Variants in PTPRT observed in about 807,000 individuals in gnomAD.
PTPRT encodes protein tyrosine phosphatase receptor type T.
PTPRT carries 56 observed loss-of-function variants against 176.8 expected under a neutral mutation model. The observed-to-expected ratio is 0.32, with a 90% CI of 0.26 to 0.40. The LOEUF (loss-of-function observed/expected upper bound fraction) is 0.40, where lower values mean the gene tolerates loss of function less well. PTPRT is among the 10% of genes least tolerant of loss of function. The pLI is 1.00. For synonymous variants in PTPRT, 783 were observed against 739.0 expected (o/e 1.06, Z -0.96); for missense variants, 1,540 against 1,908.2 (o/e 0.81, Z 3.60).
chr20:43,051,222 A>G (rs1987028974), intron 1 of PTPRT, among the ~76,000 whole-genome samples: 1 of 152,226 alleles, frequency 6.6e-6, no homozygotes, highest in Non-Finnish European at 1.5e-5. Context: ...ATATGTGCCA[A>G]TAATATTGCC....
chr20:42,434,504 G>A (rs2059243832), intron 9 of PTPRT, among the ~76,000 whole-genome samples: 1 of 151,994 alleles, frequency 6.6e-6, no homozygotes, highest in Admixed American at 6.6e-5. Flanking sequence ...TAGTCTATTA[G>A]AGATTATTAT....
the PTPRT span, among the ~76,000 whole-genome samples, chr20:42,035,090 T>C: frequency 6.6e-6 from 1 of 152,060 alleles, no homozygotes; most frequent in African/African-American, 2.4e-5. Flanking sequence ...TTCAAAAACA[T>C]CTCTCAGGAA....
chr20:42,989,987 C>T (rs1983803115), intron 1 of PTPRT, among the ~76,000 whole-genome samples: 1 of 152,194 alleles, frequency 6.6e-6, no homozygotes, highest in African/African-American at 2.4e-5. Context: ...GAGTAGGATG[C>T]ACATAGGTGC....
At chr20:42,299,130 T>C (rs1160491041) in intron 12 of PTPRT, among the ~76,000 whole-genome samples, 3 of 151,996 alleles carry the variant, frequency 2.0e-5, no homozygotes, top group Non-Finnish European at 2.9e-5. Flanking sequence ...CAACAGGGGA[T>C]GGTAGAGGTG....
intron 1 of PTPRT, among the ~76,000 whole-genome samples, chr20:42,970,586 G>A (rs138669531): frequency 3.7e-4 from 56 of 152,196 alleles, no homozygotes; most frequent in African/African-American, 1.2e-3. Flanking sequence ...CTCACCAGTC[G>A]TCATGAGGAT....
At chr20:42,959,534 T>C (rs577368098) in intron 1 of PTPRT, among the ~76,000 whole-genome samples, 1 of 152,198 alleles carries the variant, frequency 6.6e-6, no homozygotes, top group South Asian at 2.1e-4. Context: ...ATTTTATAGA[T>C]GAGAAAACAG....
At chr20:42,919,692 A>C (rs890866177) in intron 1 of PTPRT, among the ~76,000 whole-genome samples, 12 of 152,254 alleles carry the variant, frequency 7.9e-5, no homozygotes, top group Non-Finnish European at 1.5e-4. Context: ...ACAGAGACTT[A>C]ATACAGAAGC....
chr20:42,462,376 G>T (rs1437455893), intron 8 of PTPRT, among the ~76,000 whole-genome samples: 1 of 152,164 alleles, frequency 6.6e-6, no homozygotes, highest in Non-Finnish European at 1.5e-5. Context: ...GTGTGCAGCA[G>T]CTACGGAAGG....
chr20:42,341,845 C>T (rs143753659), intron 11 of PTPRT, among the ~76,000 whole-genome samples: 20 of 152,282 alleles, frequency 1.3e-4, no homozygotes, highest in Middle Eastern at 6.8e-3. Flanking sequence ...AACACTCTTT[C>T]GATCTTCATG....
At chr20:42,102,971 C>T (rs958842434) in intron 25 of PTPRT, among the ~76,000 whole-genome samples, 1 of 152,226 alleles carries the variant, frequency 6.6e-6, no homozygotes, top group African/African-American at 2.4e-5. Context: ...CTCTCTGTCT[C>T]TACTTCAGAT....
At chr20:43,179,660 C>T (rs760874897) in intron 1 of PTPRT, among the ~76,000 whole-genome samples, 2 of 152,210 alleles carry the variant, frequency 1.3e-5, no homozygotes, top group Non-Finnish European at 2.9e-5. Context: ...TAAACTAAAT[C>T]CCTTCTGAGA....
At chr20:43,120,111 C>A (rs2013202505) in intron 1 of PTPRT, among the ~76,000 whole-genome samples, 1 of 152,104 alleles carries the variant, frequency 6.6e-6, no homozygotes, top group South Asian at 2.1e-4. Context: ...CCGTCCAGCA[C>A]CCTGATTCTT....
the PTPRT span, among the ~76,000 whole-genome samples, chr20:42,050,321 C>G: frequency 2.0e-5 from 3 of 152,120 alleles, no homozygotes; most frequent in East Asian, 5.8e-4. Context: ...ATACTCTTGC[C>G]TAGACACTGT....
At chr20:43,026,920 C>A (rs1353933433) in intron 1 of PTPRT, among the ~76,000 whole-genome samples, 1 of 152,162 alleles carries the variant, frequency 6.6e-6, no homozygotes, top group Non-Finnish European at 1.5e-5. Flanking sequence ...TTTTTTATGG[C>A]TGAACAGTAC....
At chr20:42,767,741 G>C (rs1480139904) in intron 5 of PTPRT, among the ~76,000 whole-genome samples, 1 of 141,768 alleles carries the variant, frequency 7.1e-6, no homozygotes, top group Non-Finnish European at 1.5e-5. Context: ...TTTCTTTAAT[G>C]AGTGCTATAT....
intron 14 of PTPRT, among the ~76,000 whole-genome samples, chr20:42,239,481 C>T (rs1282490426): frequency 4.5e-5 from 6 of 133,652 alleles, no homozygotes; most frequent in South Asian, 2.4e-4. Flanking sequence ...AGTGCAGTGG[C>T]GCGTGATCTC....
intron 1 of PTPRT, among the ~76,000 whole-genome samples, chr20:42,954,783 G>T (rs1317199219): frequency 1.3e-5 from 2 of 152,120 alleles, no homozygotes; most frequent in African/African-American, 4.8e-5. Flanking sequence ...GGATTTAAAT[G>T]ATGCTGGTCA....
the PTPRT span, among the ~76,000 whole-genome samples, chr20:42,051,499 G>C: frequency 6.6e-6 from 1 of 152,190 alleles, no homozygotes; most frequent in Non-Finnish European, 1.5e-5. Flanking sequence ...ACTTCCTTCA[G>C]AGGATTATTG....
At chr20:42,294,556 G>C (rs560002383) in intron 12 of PTPRT, among the ~76,000 whole-genome samples, 1 of 152,086 alleles carries the variant, frequency 6.6e-6, no homozygotes, top group African/African-American at 2.4e-5. Context: ...AACTGTTTCT[G>C]AACTGAGAAT....
Sources: allele counts gnomAD v4.1 joint callset (sites outside exome capture counted in the v4.1 genomes callset), GRCh38; gene constraint gnomAD v4.1.1; transcripts MANE v1.5; gene names NCBI Gene and HGNC (gene_info 2026-07-23, HGNC 2026-07-21).